Variants in NRXN3 observed in about 807,000 individuals in gnomAD.
NRXN3 encodes neurexin III.
In NRXN3, 32 loss-of-function variants were observed where a neutral mutation model predicts 137.6. The ratio of observed to expected loss-of-function variants is 0.23; its 90% CI spans 0.18 to 0.31. The LOEUF is 0.31. NRXN3 is among the 10% of genes least tolerant of loss of function. The probability of loss-of-function intolerance (pLI) is 1.00; values close to 1 mark genes in which losing one functional copy is unlikely to be tolerated. For missense variants in NRXN3, 1,574 were observed against 2,062.5 expected (o/e 0.76, Z 4.59); for synonymous variants, 798 against 784.5 (o/e 1.02, Z -0.29).
chr14:79,387,570 A>G (rs1164942197), intron 15 of NRXN3, among the ~76,000 whole-genome samples: 2 of 152,180 alleles, frequency 1.3e-5, no homozygotes, highest in African/African-American at 2.4e-5. Context: ...CTAGAACTAG[A>G]AATACCATTT....
chr14:79,606,472 A>T (rs1283534223), intron 16 of NRXN3, among the ~76,000 whole-genome samples: 1 of 152,206 alleles, frequency 6.6e-6, no homozygotes. Flanking sequence ...AGCTGCTGGC[A>T]TTATGTGAGC....
At chr14:79,681,922 A>AAAT (rs2098672588) in intron 17 of NRXN3, among the ~76,000 whole-genome samples, 1 of 152,000 alleles carries the variant, frequency 6.6e-6, no homozygotes, top group Non-Finnish European at 1.5e-5. Flanking sequence ...TGGCTTTTTG[A>AAAT]AATTAATCTT....
chr14:78,532,801 A>C (rs533709828), intron 4 of NRXN3, among the ~76,000 whole-genome samples: 1 of 151,230 alleles, frequency 6.6e-6, no homozygotes, highest in African/African-American at 2.4e-5. Context: ...AATCTGAATT[A>C]TCTTTCTTTT....
intron 19 of NRXN3, among the ~76,000 whole-genome samples, chr14:79,803,462 C>A (rs192759833): frequency 1.3e-5 from 2 of 152,216 alleles, no homozygotes; most frequent in East Asian, 1.9e-4. Flanking sequence ...TATCTGCCAG[C>A]GTCTTTATAT....
chr14:78,220,367 C>T (rs1030173350), intron 1 of NRXN3, among the ~76,000 whole-genome samples: 11 of 151,976 alleles, frequency 7.2e-5, no homozygotes, highest in Admixed American at 4.6e-4. Flanking sequence ...GGGAGGCACC[C>T]GAACATGCCA....
intron 10 of NRXN3, among the ~76,000 whole-genome samples, chr14:78,820,416 T>C (rs964784219): frequency 8.3e-6 from 1 of 120,310 alleles, no homozygotes; most frequent in African/African-American, 2.9e-5. Context: ...GACCAGGAGA[T>C]GTTATTTCTA....
intron 19 of NRXN3, among the ~76,000 whole-genome samples, chr14:79,786,467 T>C (rs1037140764): frequency 1.3e-5 from 2 of 152,206 alleles, no homozygotes; most frequent in African/African-American, 4.8e-5. Flanking sequence ...TGTGTAAGCA[T>C]TTATTGCTTT....
chr14:78,642,157 G>A (rs536708810), intron 4 of NRXN3, among the ~76,000 whole-genome samples: 126 of 152,328 alleles, frequency 8.3e-4, no homozygotes, highest in Non-Finnish European at 1.5e-3. Context: ...AATATCCAGA[G>A]TGATGGGCAA....
chr14:79,424,046 A>G (rs1236521190), intron 15 of NRXN3, among the ~76,000 whole-genome samples: 4 of 152,210 alleles, frequency 2.6e-5, no homozygotes, highest in Non-Finnish European at 5.9e-5. Context: ...CCATGCACAG[A>G]AAATGAATTC....
intron 1 of NRXN3, among the ~76,000 whole-genome samples, chr14:78,205,511 T>C (rs538960491): frequency 1.3e-4 from 20 of 152,184 alleles, no homozygotes; most frequent in Non-Finnish European, 1.6e-4. Flanking sequence ...AGTAGTAGGA[T>C]TGGGCTTCCT....
chr14:78,326,519 C>CA (rs2153564735), intron 4 of NRXN3, among the ~76,000 whole-genome samples: 1 of 152,112 alleles, frequency 6.6e-6, no homozygotes, highest in East Asian at 1.9e-4. Context: ...GTGAGGGAGT[C>CA]ACGCATGTGA....
In NRXN3 at chr14:78,857,044, A is replaced by G. The variant is rs564950864; in HGVS notation, c.2275+46700A>G. ...CACCACACCTGGCCTGTGCTGTACT[A>G]TTTATTTTTTTATCCCATGGTTACA... On this transcript the variant is annotated intron_variant, in intron 10 of 20. Transcript: ENST00000335750. 5.1e-4 allele frequency among the ~76,000 whole-genome samples: 77 copies of G among 152,146 alleles called. 1 individual carries two copies. Among genetic ancestry groups the G allele is most frequent in the African/African-American group, 1.7e-3 (72 of 41,538 alleles).
At position 79,652,089 on chromosome 14, in the gene NRXN3, G is replaced by A. The variant is rs17109658; in HGVS notation, c.3445-11689G>A. On this transcript the variant is annotated intron_variant, in intron 16 of 20. Coordinates refer to ENST00000335750, the MANE Select transcript of NRXN3 (RefSeq NM_001330195.2). ...GACACAGAGGTGCTTAGATTCTACT[G>A]AGCCACCATTACTTTGCCTAAAAGA... is the stretch of plus-strand genomic sequence containing the variant. Among the ~76,000 whole-genome samples the A allele has an allele frequency of 0.021, 3,177 of 152,234 alleles. 175 individuals are homozygous for A. In the East Asian group the frequency reaches 0.22, roughly 11 times the overall value.
chr14:79,157,153 C>T (rs2060325016), intron 15 of NRXN3, among the ~76,000 whole-genome samples: 3 of 151,818 alleles, frequency 2.0e-5, no homozygotes, highest in Admixed American at 2.0e-4. Flanking sequence ...TGCTTAGAGA[C>T]AGGACATGCT....
At chr14:79,586,128 CAG>C (rs1237217409) in intron 16 of NRXN3, among the ~76,000 whole-genome samples, 2 of 152,202 alleles carry the variant, frequency 1.3e-5, no homozygotes, top group Non-Finnish European at 2.9e-5. Flanking sequence ...TTCTTTGTAA[CAG>C]AGTCAATCAT....
chr14:79,314,901 G>A (rs570873232), intron 15 of NRXN3, among the ~76,000 whole-genome samples: 53 of 151,984 alleles, frequency 3.5e-4, no homozygotes, highest in South Asian at 2.9e-3. Flanking sequence ...CATCTACACT[G>A]AAAACCCATC....
chr14:79,196,912 G>T (rs1455731932), intron 15 of NRXN3, among the ~76,000 whole-genome samples: 1 of 152,122 alleles, frequency 6.6e-6, no homozygotes, highest in Non-Finnish European at 1.5e-5. Context: ...GTTGCTTGAG[G>T]GTCAGCTATT....
intron 4 of NRXN3, among the ~76,000 whole-genome samples, chr14:78,557,018 C>A (rs534679806): frequency 1.7e-3 from 220 of 128,108 alleles, no homozygotes; most frequent in South Asian, 7.0e-3. Flanking sequence ...TTCCCTCTCT[C>A]CTCCCCTCCC....
At chr14:78,460,747 T>G (rs956353089) in intron 4 of NRXN3, among the ~76,000 whole-genome samples, 2 of 152,208 alleles carry the variant, frequency 1.3e-5, no homozygotes, top group Non-Finnish European at 2.9e-5. Context: ...CCCTGTTGGG[T>G]CAATAATTAG....
Sources: allele counts gnomAD v4.1 joint callset (sites outside exome capture counted in the v4.1 genomes callset), GRCh38; gene constraint gnomAD v4.1.1; transcripts MANE v1.5; gene names NCBI Gene and HGNC (gene_info 2026-07-23, HGNC 2026-07-21).